DCAF8: variants seen among roughly 807,000 people sequenced by gnomAD.
DCAF8 encodes DDB1- and CUL4-associated factor 8.
A neutral mutation model predicts 68.0 loss-of-function variants in DCAF8; 20 were observed. The observed-to-expected ratio is 0.29, with a 90% CI of 0.21 to 0.43. DCAF8 has a LOEUF of 0.43. DCAF8 is among the 20% of genes least tolerant of loss of function. DCAF8 has a pLI of 1.00. For synonymous variants in DCAF8, 230 were observed against 276.9 expected, an observed-to-expected ratio of 0.83 and a Z score of 1.68; for missense variants, 460 against 771.0, an observed-to-expected ratio of 0.60 and a Z score of 4.78.
At chr1:160,249,559 G>A (rs984774451) in intron 2 of DCAF8, among the ~76,000 whole-genome samples, 1 of 152,226 alleles carries the variant, frequency 6.6e-6, no homozygotes, top group Non-Finnish European at 1.5e-5. Flanking sequence ...TTGGGAGGCT[G>A]AGGCAGGAGG....
chr1:160,235,472 T>C (rs1655836303), intron 6 of DCAF8, among the ~76,000 whole-genome samples: 1 of 151,900 alleles, frequency 6.6e-6, no homozygotes, highest in Non-Finnish European at 1.5e-5. Context: ...GATCTAGATA[T>C]CTATCAATAA....
chr1:160,255,753 G>A (rs1026281339), intron 2 of DCAF8, among the ~76,000 whole-genome samples: 1 of 152,092 alleles, frequency 6.6e-6, no homozygotes, highest in Non-Finnish European at 1.5e-5. Context: ...CCAAGTAGCT[G>A]GGACTACAGG....
intron 2 of DCAF8, among the ~76,000 whole-genome samples, chr1:160,246,604 C>A (rs1027087478): frequency 6.6e-6 from 1 of 152,192 alleles, no homozygotes; most frequent in East Asian, 1.9e-4. Flanking sequence ...CCAGCCTGGG[C>A]AGAACTGTGA....
intron 6 of DCAF8, among the ~76,000 whole-genome samples, chr1:160,234,523 T>C (rs1655803024): frequency 6.6e-6 from 1 of 152,208 alleles, no homozygotes; most frequent in African/African-American, 2.4e-5. Flanking sequence ...GCCAAAGTCA[T>C]TCGCTCTATT....
chr1:160,222,466 T>C (rs1256016126), intron 11 of DCAF8, among the ~76,000 whole-genome samples, 185 bp downstream of exon 11: 1 of 152,138 alleles, frequency 6.6e-6, no homozygotes, highest in Non-Finnish European at 1.5e-5. Flanking sequence ...GGACAGAAGA[T>C]AGGAACAGGA....
intron 7 of DCAF8, among the ~76,000 whole-genome samples, chr1:160,226,150 A>AT (rs1159022001): frequency 2.0e-5 from 3 of 152,188 alleles, no homozygotes; most frequent in African/African-American, 7.2e-5. Context: ...CTCAAGTTTT[A>AT]TATCACATAC....
At chr1:160,261,716 T>C (rs1469950530) in intron 1 of DCAF8, 1 of 152,276 alleles carries the variant, frequency 6.6e-6, no homozygotes, top group Non-Finnish European at 1.5e-5. Flanking sequence ...CCGGTTTGTT[T>C]ACAGAGACTC....
At chr1:160,257,485 G>C (rs1230188077) in intron 2 of DCAF8, among the ~76,000 whole-genome samples, 2 of 152,278 alleles carry the variant, frequency 1.3e-5, no homozygotes, top group East Asian at 3.9e-4. Context: ...GATTTTAAAA[G>C]CCTATTACTC....
intron 2 of DCAF8, among the ~76,000 whole-genome samples, chr1:160,257,501 ATAGAATACAAGACT>A (rs1656885711): frequency 6.6e-6 from 1 of 152,210 alleles, no homozygotes; most frequent in Admixed American, 6.5e-5. Context: ...TACTCCCCTG[ATAGAATACAAGACT>A]TAGAGCACGA....
At chr1:160,250,621 G>A (rs1656550181) in intron 2 of DCAF8, among the ~76,000 whole-genome samples, 1 of 152,146 alleles carries the variant, frequency 6.6e-6, no homozygotes, top group South Asian at 2.1e-4. Flanking sequence ...GCAAATGAGA[G>A]CATAATGTCC....
chr1:160,254,071 C>A (rs1656723615), intron 2 of DCAF8, among the ~76,000 whole-genome samples: 1 of 152,196 alleles, frequency 6.6e-6, no homozygotes, highest in Non-Finnish European at 1.5e-5. Context: ...TGCCTGTAAT[C>A]CCAACACTTT....
intron 3 of DCAF8, among the ~76,000 whole-genome samples, chr1:160,241,968 C>A (rs948319041): frequency 5.3e-5 from 8 of 152,194 alleles, no homozygotes; most frequent in Non-Finnish European, 1.0e-4. Flanking sequence ...GCAGGCTGGG[C>A]GCGGTGGCTA....
chr1:160,230,128 C>T (rs1557831981), intron 7 of DCAF8, among the ~76,000 whole-genome samples: 1 of 152,018 alleles, frequency 6.6e-6, no homozygotes, highest in Non-Finnish European at 1.5e-5. Flanking sequence ...AGGTTTTGTC[C>T]AGGATTCTTG....
At chr1:160,241,130 C>T (rs138177087) in intron 3 of DCAF8, among the ~76,000 whole-genome samples, 2,140 of 152,146 alleles carry the variant, frequency 0.014, 59 homozygotes, top group African/African-American at 0.048. Flanking sequence ...CTAGCCTGGG[C>T]GACAAAGCGA....
intron 6 of DCAF8, 105 bp downstream of exon 6, chr1:160,237,030 C>A: frequency 1.3e-6 from 1 of 743,578 alleles, no homozygotes; most frequent in Non-Finnish European, 2.1e-6. Flanking sequence ...ACCATAGGCA[C>A]AAAGGTACTA....
intron 2 of DCAF8, among the ~76,000 whole-genome samples, chr1:160,257,282 A>G (rs1055653524): frequency 1.3e-5 from 2 of 151,670 alleles, no homozygotes; most frequent in South Asian, 4.1e-4. Context: ...AAAAAAAAAA[A>G]GCTAATTCAA....
At chr1:160,223,343 T>C (rs961419223) in intron 10 of DCAF8, among the ~76,000 whole-genome samples, 3 of 152,190 alleles carry the variant, frequency 2.0e-5, no homozygotes, top group African/African-American at 7.2e-5. Flanking sequence ...CACCCTTCCT[T>C]TATCTGCCTG....
intron 2 of DCAF8, among the ~76,000 whole-genome samples, chr1:160,247,674 G>GT (rs1430510686): frequency 6.6e-6 from 1 of 152,176 alleles, no homozygotes; most frequent in Non-Finnish European, 1.5e-5. Flanking sequence ...GCTCCAACGA[G>GT]TATTTCCTTT....
intron 3 of DCAF8, among the ~76,000 whole-genome samples, chr1:160,241,118 C>A (rs1656098800): frequency 2.0e-5 from 3 of 152,172 alleles, no homozygotes; most frequent in African/African-American, 7.2e-5. Context: ...CACCACTGCA[C>A]TCTAGCCTGG....
Sources: gnomAD v4.1 joint callset for allele counts (sites outside exome capture counted in the v4.1 genomes callset) on GRCh38, gnomAD v4.1.1 for gene constraint, MANE v1.5 for transcripts, NCBI Gene and HGNC (gene_info 2026-07-23, HGNC 2026-07-21) for gene names.